FNIP1: variants seen among roughly 807,000 people sequenced by gnomAD.
The protein encoded by FNIP1 is folliculin-interacting protein 1.
A neutral mutation model predicts 124.5 loss-of-function variants in FNIP1; 40 were observed. That is an observed-to-expected ratio of 0.32 (90% CI 0.25 to 0.42). The LOEUF (loss-of-function observed/expected upper bound fraction) is 0.42, where lower values mean the gene tolerates loss of function less well. Among genes scored for constraint, FNIP1 ranks in the 10% least tolerant of loss-of-function variants. The pLI is 1.00. For missense variants in FNIP1, 1,176 were observed against 1,403.7 expected (o/e 0.84, Z 2.59); for synonymous variants, 472 against 470.6 (o/e 1.00, Z -0.04).
intron 10 of FNIP1, 44 bp from the exon 11 acceptor site, chr5:131,699,046 G>C (rs1283166839): frequency 6.6e-7 from 1 of 1,512,742 alleles, no homozygotes; most frequent in Admixed American, 2.1e-5. Flanking sequence ...TGTTAATCAT[G>C]AGCAAAACAT....
chr5:131,662,471 C>G (rs1767468997), intron 15 of FNIP1, among the ~76,000 whole-genome samples: 1 of 152,114 alleles, frequency 6.6e-6, no homozygotes, highest in Non-Finnish European at 1.5e-5. Flanking sequence ...CAGTTGAAGT[C>G]CTTTGCAAGC....
intron 16 of FNIP1, among the ~76,000 whole-genome samples, chr5:131,647,870 T>A (rs1022279116): frequency 1.9e-4 from 29 of 152,312 alleles, no homozygotes; most frequent in African/African-American, 6.7e-4. Flanking sequence ...CTTTTTTCAC[T>A]ATGTTTTTAT....
intron 1 of FNIP1, among the ~76,000 whole-genome samples, chr5:131,753,739 T>C (rs760508711): frequency 1.3e-5 from 2 of 152,202 alleles, no homozygotes; most frequent in African/African-American, 2.4e-5. Flanking sequence ...GCTCAATTTT[T>C]AAAAGAGAAA....
intron 1 of FNIP1, among the ~76,000 whole-genome samples, chr5:131,760,376 A>C (rs753633631): frequency 6.6e-6 from 1 of 152,226 alleles, no homozygotes; most frequent in Admixed American, 6.5e-5. Flanking sequence ...GTCACCTATA[A>C]GGAAAATACC....
intron 13 of FNIP1, among the ~76,000 whole-genome samples, chr5:131,676,740 A>G (rs941985892): frequency 1.3e-5 from 2 of 152,154 alleles, no homozygotes; most frequent in Admixed American, 1.3e-4. Flanking sequence ...AGCCTGGGCA[A>G]AAGAGTGAGA....
chr5:131,745,687 C>T (rs1770654469), intron 1 of FNIP1, among the ~76,000 whole-genome samples: 1 of 151,900 alleles, frequency 6.6e-6, no homozygotes, highest in South Asian at 2.1e-4. Context: ...CCAGCAATTC[C>T]ACTTCGGAAA....
chr5:131,711,999 C>T (rs1769307825), intron 6 of FNIP1, among the ~76,000 whole-genome samples: 1 of 152,162 alleles, frequency 6.6e-6, no homozygotes, highest in African/African-American at 2.4e-5. Context: ...ACTTTTGTTT[C>T]CTAGAGTATG....
In FNIP1 at chr5:131,774,055, T is replaced by G. The variant is rs572807011; in HGVS notation, c.92+22775A>C. On this transcript the variant is annotated intron_variant, in intron 1 of 17. Coordinates refer to ENST00000510461, the MANE Select transcript of FNIP1 (RefSeq NM_133372.3). ...AATTCCTTTGCATTTTGAGACAGAG[T>G]CTCATTCTGTTAACAAGCTGGAGTG... 6.6e-5 allele frequency among the ~76,000 whole-genome samples: 10 copies of G among 152,166 alleles called. No homozygotes were observed. In the South Asian group the frequency reaches 1.5e-3, roughly 22 times the overall value.
At chr5:131,726,576 G>A (rs886326634) in intron 3 of FNIP1, among the ~76,000 whole-genome samples, 4 of 151,942 alleles carry the variant, frequency 2.6e-5, no homozygotes, top group Non-Finnish European at 4.4e-5. Flanking sequence ...CATTAATCTG[G>A]CTAGTGGTCT....
At chr5:131,712,388 A>G (rs1251177966) in intron 6 of FNIP1, among the ~76,000 whole-genome samples, 1 of 151,750 alleles carries the variant, frequency 6.6e-6, no homozygotes. Flanking sequence ...AGCAGTTCTC[A>G]AAATGTCATC....
intron 1 of FNIP1, among the ~76,000 whole-genome samples, chr5:131,793,842 A>G (rs1208293806): frequency 6.6e-6 from 1 of 152,192 alleles, no homozygotes; most frequent in Non-Finnish European, 1.5e-5. Flanking sequence ...TAGGCTGACT[A>G]GAACAAAACA....
chr5:131,767,426 TCAAAA>T (rs1771468668), intron 1 of FNIP1, among the ~76,000 whole-genome samples: 1 of 32,484 alleles, frequency 3.1e-5, no homozygotes, highest in East Asian at 1.0e-3. Context: ...AGATTCTGTC[TCAAAA>T]AAAAAAAAAA....
intron 6 of FNIP1, among the ~76,000 whole-genome samples, chr5:131,712,020 T>C (rs1324632284): frequency 6.6e-6 from 1 of 152,220 alleles, no homozygotes. Flanking sequence ...CACATGCATA[T>C]ATGCACATAC....
chr5:131,763,111 G>C (rs1477020863), intron 1 of FNIP1, among the ~76,000 whole-genome samples: 1 of 152,108 alleles, frequency 6.6e-6, no homozygotes, highest in East Asian at 1.9e-4. Context: ...TAGCACAACA[G>C]GGTGACTACA....
intron 1 of FNIP1, among the ~76,000 whole-genome samples, chr5:131,790,975 A>G (rs1383238427): frequency 6.6e-6 from 1 of 152,254 alleles, no homozygotes; most frequent in Non-Finnish European, 1.5e-5. Flanking sequence ...GTCATGTCAA[A>G]AAGAAACAGA....
rs1432154626 is a variant in FNIP1 at position 131,797,003 on chromosome 5, G to T, written c.-82C>A. 7.7e-6 allele frequency: 10 copies of T among 1,296,204 alleles called. No individual in the cohort carries two copies. Among genetic ancestry groups the T allele is most frequent in the Non-Finnish European group, 1.1e-5 (10 of 933,228 alleles). The allele number at this position is 1,296,204 out of a possible 1,614,324, so 80.3% of individuals were successfully genotyped here. On this transcript the variant is annotated 5_prime_UTR_variant, in exon 1 of 18. Transcript: ENST00000510461. ...TACAGCCGCCCCGCCACCCCCATGGGCGCCTCAGTCATATGACAGAAATTA... is the reference window on the plus strand; with the variant it reads ...TACAGCCGCCCCGCCACCCCCATGGTCGCCTCAGTCATATGACAGAAATTA...
chr5:131,749,986 T>C (rs1373659608), intron 1 of FNIP1, among the ~76,000 whole-genome samples: 1 of 152,106 alleles, frequency 6.6e-6, no homozygotes, highest in Non-Finnish European at 1.5e-5. Context: ...TGAGTGTATG[T>C]TGAATAGAAA....
chr5:131,759,651 A>G (rs1443255846), intron 1 of FNIP1, among the ~76,000 whole-genome samples: 1 of 152,170 alleles, frequency 6.6e-6, no homozygotes, highest in African/African-American at 2.4e-5. Context: ...GTTAGTGGGA[A>G]GGTAGTTTAG....
At position 131,642,053 on chromosome 5, in the gene FNIP1, T is replaced by C. The variant is rs1167422929; in HGVS notation, c.*2632A>G. 6.5e-6 allele frequency: 1 copy of C among 152,680 alleles called. No individual in the cohort carries two copies. The highest frequency in any genetic ancestry group is 2.4e-5 in the African/African-American group (1 of 41,468). The allele number at this position is 152,680 out of a possible 1,614,324, so 9.5% of individuals were successfully genotyped here. Reference sequence around the variant, plus strand: ...ATTTAAAATCAAACCAATTAGTTTATATACAAGAAAAAATTAGTTTTAATT... The same window carrying C: ...ATTTAAAATCAAACCAATTAGTTTACATACAAGAAAAAATTAGTTTTAATT... On this transcript the variant is annotated 3_prime_UTR_variant, in exon 18 of 18. Coordinates refer to ENST00000510461, the MANE Select transcript of FNIP1 (RefSeq NM_133372.3).
Sources: gnomAD v4.1 joint callset for allele counts (sites outside exome capture counted in the v4.1 genomes callset) on GRCh38, gnomAD v4.1.1 for gene constraint, MANE v1.5 for transcripts, NCBI Gene and HGNC (gene_info 2026-07-23, HGNC 2026-07-21) for gene names.